Variants in OSMR observed in about 807,000 individuals in gnomAD.
OSMR encodes the protein oncostatin M receptor, also known as oncostatin-M-specific receptor subunit beta.
In OSMR, 81 loss-of-function variants were observed where a neutral mutation model predicts 99.9. That is an observed-to-expected ratio of 0.81 (90% CI 0.68 to 0.97). The LOEUF (loss-of-function observed/expected upper bound fraction) is 0.97, where lower values mean the gene tolerates loss of function less well. OSMR is among the 50% of genes least tolerant of loss of function. The pLI is 0.00. For synonymous variants in OSMR, 406 were observed against 410.4 expected (o/e 0.99, Z 0.13); for missense variants, 1,099 against 1,153.4 (o/e 0.95, Z 0.68).
At chr5:38,898,450 T>A (rs1488906094) in intron 7 of OSMR, among the ~76,000 whole-genome samples, 1 of 152,220 alleles carries the variant, frequency 6.6e-6, no homozygotes, top group African/African-American at 2.4e-5. Context: ...TGTCATAGAA[T>A]ATCTTTCCAT....
Position 38,876,276 on chromosome 5 carries a change from T to TA in OSMR, c.150dup (p.Gln51ThrfsTer23). On this transcript the variant is annotated frameshift_variant, in exon 3 of 18. Transcript: ENST00000274276. LOFTEE classifies it high-confidence loss of function. ...AATTCTACGCGTCAGAGTTTGCACT[T>TA]ACAATGGACTGTCCACAACCTTCCT... 6.2e-7 allele frequency: 1 copy of TA among 1,613,638 alleles called. No homozygotes were observed. Among genetic ancestry groups the TA allele is most frequent in the African/African-American group, 1.3e-5 (1 of 75,044 alleles).
chr5:38,861,260 C>A (rs543766787), intron 1 of OSMR, among the ~76,000 whole-genome samples: 2 of 150,780 alleles, frequency 1.3e-5, no homozygotes, highest in East Asian at 3.9e-4. Context: ...AGGCAGAGGA[C>A]CCTGCGGGCC....
chr5:38,902,104 G>A (rs1227026111), intron 7 of OSMR, among the ~76,000 whole-genome samples: 1 of 152,190 alleles, frequency 6.6e-6, no homozygotes, highest in Non-Finnish European at 1.5e-5. Flanking sequence ...TTGTGAGAGG[G>A]TGGTTTATAA....
At chr5:38,918,084 G>A (rs1156783208) in intron 10 of OSMR, among the ~76,000 whole-genome samples, 1 of 152,108 alleles carries the variant, frequency 6.6e-6, no homozygotes, top group Non-Finnish European at 1.5e-5. Flanking sequence ...TGATGCGTCA[G>A]TTTCACACTG....
At chr5:38,939,157 TC>T (rs1257810659), downstream of OSMR, 1 of 232,926 alleles carries the variant, frequency 4.3e-6, no homozygotes, top group African/African-American at 2.2e-5. Context: ...ATAAAAGGCA[TC>T]CTCTGAATGG....
At chr5:38,853,029 C>T (rs564842343) in intron 1 of OSMR, among the ~76,000 whole-genome samples, 1 of 152,128 alleles carries the variant, frequency 6.6e-6, no homozygotes, top group Admixed American at 6.5e-5. Context: ...CCGCGCCCGG[C>T]CCTATTGTTT....
intron 3 of OSMR, among the ~76,000 whole-genome samples, chr5:38,879,221 TGA>T (rs1452888255): frequency 2.6e-5 from 4 of 152,214 alleles, no homozygotes; most frequent in Non-Finnish European, 4.4e-5. Context: ...GCAGAGGCGC[TGA>T]GAGAAGGGAA....
In OSMR at chr5:38,918,942, C is replaced by A; in HGVS notation, c.1465C>A (p.Pro489Thr). 1 of 1,614,092 alleles carries A rather than the reference C, an allele frequency of 6.2e-7. No homozygotes were observed. Among genetic ancestry groups the A allele is most frequent in the Non-Finnish European group, 8.5e-7 (1 of 1,179,966 alleles). ...SSSELHSIPA[P>T]ANSTKLILDR... ...TTCAGAGCTCCATTCCATTCCAGCA[C>A]CAGCCAACAGCACAAAACTAATCCT... The change falls in exon 11 of 18, where the codon CCA (proline) becomes ACA (threonine). Residue 489 changes from proline (P) to threonine (T), a missense_variant. Coordinates refer to ENST00000274276, the MANE Select transcript of OSMR (RefSeq NM_003999.3).
intron 1 of OSMR, among the ~76,000 whole-genome samples, chr5:38,849,053 C>T (rs990164212): frequency 6.6e-6 from 1 of 152,166 alleles, no homozygotes; most frequent in Non-Finnish European, 1.5e-5. Context: ...GCTAGGATTA[C>T]AGGCGTGAGC....
At chr5:38,906,708 A>G (rs2112559435) in intron 9 of OSMR, among the ~76,000 whole-genome samples, 2 of 152,332 alleles carry the variant, frequency 1.3e-5, no homozygotes, top group East Asian at 3.9e-4. Flanking sequence ...TAAAGTGTTG[A>G]GTCAGCAACT....
chr5:38,892,337 C>T (rs570614055), intron 7 of OSMR, among the ~76,000 whole-genome samples: 2 of 152,254 alleles, frequency 1.3e-5, no homozygotes, highest in Non-Finnish European at 2.9e-5. Context: ...TTCTGCCTGC[C>T]CCTGCCTGAG....
At chr5:38,945,435 A>T, downstream of OSMR, 1 of 1,212,692 alleles carries the variant, frequency 8.2e-7, no homozygotes, top group East Asian at 2.3e-5. Flanking sequence ...GGAAAAGTAA[A>T]CCAGAGAACT....
At chr5:38,904,549 A>G in intron 9 of OSMR, 46 bp downstream of exon 9, 1 of 1,611,968 alleles carries the variant, frequency 6.2e-7, no homozygotes, top group Non-Finnish European at 8.5e-7. Context: ...AGGTCTTAGG[A>G]GTTAGACTGG....
intron 8 of OSMR, 92 bp downstream of exon 8, chr5:38,904,116 T>G: frequency 6.4e-7 from 1 of 1,566,562 alleles, no homozygotes; most frequent in Non-Finnish European, 8.7e-7. Flanking sequence ...AACTCTTATT[T>G]CTGTGTAGGT....
intron 2 of OSMR, among the ~76,000 whole-genome samples, chr5:38,872,000 A>G (rs1231196231): frequency 1.3e-5 from 2 of 152,192 alleles, no homozygotes; most frequent in African/African-American, 4.8e-5. Flanking sequence ...CTTCTTGGCC[A>G]TACTCCAGCA....
At chr5:38,898,463 C>CTT (rs1358959685) in intron 7 of OSMR, among the ~76,000 whole-genome samples, 1 of 152,128 alleles carries the variant, frequency 6.6e-6, no homozygotes, top group Non-Finnish European at 1.5e-5. Context: ...CTTTCCATCC[C>CTT]TTTATCTTCA....
Position 38,921,534 on chromosome 5 carries a change from G to T in OSMR, c.1586-81G>T, listed in dbSNP as rs1386439215. On this transcript the variant is annotated intron_variant, in intron 11 of 17. Transcript: ENST00000274276. ...TACCTACTAGATACAGTGCATGTAT[G>T]TATTTACTTTCTACCTTACACACTT... The T allele has an allele frequency of 1.4e-5, 23 of 1,602,878 alleles. No homozygotes were observed. In the Admixed American group the frequency reaches 2.5e-4, roughly 18 times the overall value.
At chr5:38,900,270 A>G (rs1025211496) in intron 7 of OSMR, among the ~76,000 whole-genome samples, 5 of 152,152 alleles carry the variant, frequency 3.3e-5, no homozygotes, top group Non-Finnish European at 7.4e-5. Context: ...GGTTCTGTCC[A>G]TGACACAGGG....
intron 7 of OSMR, among the ~76,000 whole-genome samples, chr5:38,892,050 G>C (rs953116509): frequency 6.6e-6 from 1 of 152,148 alleles, no homozygotes; most frequent in African/African-American, 2.4e-5. Flanking sequence ...AGTTCCTCTG[G>C]GGAAAAACTC....
Sources: allele counts gnomAD v4.1 joint callset (sites outside exome capture counted in the v4.1 genomes callset), GRCh38; gene constraint gnomAD v4.1.1; transcripts MANE v1.5; gene names NCBI Gene and HGNC (gene_info 2026-07-23, HGNC 2026-07-21).